The following RBMS1 variants were observed in gnomAD, a reference collection of about 807,000 sequenced individuals.
The protein encoded by RBMS1 is RNA-binding motif, single-stranded-interacting protein 1.
RBMS1 carries 17 observed loss-of-function variants against 62.3 expected under a neutral mutation model. The ratio of observed to expected loss-of-function variants is 0.27; its 90% CI spans 0.19 to 0.41. The LOEUF (loss-of-function observed/expected upper bound fraction) is 0.41. Among genes scored for constraint, RBMS1 ranks in the 10% least tolerant of loss-of-function variants. RBMS1 has a pLI of 1.00. For missense variants in RBMS1, 334 were observed against 504.5 expected (o/e 0.66, Z 3.24); for synonymous variants, 172 against 170.0 (o/e 1.01, Z -0.09).
At chr2:160,453,294 G>T (rs1235323854) in intron 1 of RBMS1, among the ~76,000 whole-genome samples, 1 of 151,924 alleles carries the variant, frequency 6.6e-6, no homozygotes, top group African/African-American at 2.4e-5. Flanking sequence ...CTGTAAAAAA[G>T]AAATAAACTA....
intron 2 of RBMS1, among the ~76,000 whole-genome samples, chr2:160,340,296 C>T (rs751272057): frequency 6.6e-6 from 1 of 151,964 alleles, no homozygotes; most frequent in Non-Finnish European, 1.5e-5. Flanking sequence ...CTGCTCAATT[C>T]CAGTGACAGC....
chr2:160,360,716 C>T (rs1487077971), intron 2 of RBMS1, among the ~76,000 whole-genome samples: 1 of 152,250 alleles, frequency 6.6e-6, no homozygotes, highest in East Asian at 1.9e-4. Flanking sequence ...TTTTGTTGTC[C>T]TTTAAGACTG....
intron 2 of RBMS1, among the ~76,000 whole-genome samples, chr2:160,319,080 T>A (rs540619192): frequency 6.6e-6 from 1 of 152,276 alleles, no homozygotes; most frequent in South Asian, 2.1e-4. Context: ...GAAGCGACAG[T>A]ATAATGTAAA....
intron 1 of RBMS1, among the ~76,000 whole-genome samples, chr2:160,473,808 C>T (rs745511058): frequency 7.9e-5 from 12 of 152,204 alleles, no homozygotes; most frequent in Non-Finnish European, 1.3e-4. Context: ...TTGACTACTT[C>T]TCCTCTATTA....
At chr2:160,332,461 C>G (rs984381730) in intron 2 of RBMS1, among the ~76,000 whole-genome samples, 2 of 152,078 alleles carry the variant, frequency 1.3e-5, no homozygotes, top group African/African-American at 4.8e-5. Context: ...CAGGGGGAGG[C>G]ATCTGATTAG....
intron 2 of RBMS1, among the ~76,000 whole-genome samples, chr2:160,338,198 A>T (rs1031942311): frequency 6.6e-6 from 1 of 152,194 alleles, no homozygotes; most frequent in East Asian, 1.9e-4. Context: ...TCAAAAAGTA[A>T]AACTACTGTT....
chr2:160,276,535 T>C (rs992818262), intron 12 of RBMS1: 3 of 152,268 alleles, frequency 2.0e-5, no homozygotes, highest in African/African-American at 7.2e-5. Context: ...TAAGGATACT[T>C]TGCAGGAAAA....
chr2:160,348,742 C>G, intron 2 of RBMS1, among the ~76,000 whole-genome samples: 1 of 152,096 alleles, frequency 6.6e-6, no homozygotes, highest in East Asian at 1.9e-4. Context: ...GTCTGGAATG[C>G]AAGTGATAAA....
chr2:160,319,181 A>G (rs755594084), intron 2 of RBMS1, among the ~76,000 whole-genome samples: 23 of 152,200 alleles, frequency 1.5e-4, no homozygotes, highest in Non-Finnish European at 2.8e-4. Context: ...TTGAGGAAAA[A>G]AAGTTTTGAA....
At chr2:160,400,710 T>C (rs968241863) in intron 1 of RBMS1, among the ~76,000 whole-genome samples, 2 of 152,118 alleles carry the variant, frequency 1.3e-5, no homozygotes, top group African/African-American at 2.4e-5. Flanking sequence ...TTTCAAAAAG[T>C]ACAGAAGGCA....
chr2:160,414,684 C>T (rs973128088), intron 1 of RBMS1, among the ~76,000 whole-genome samples: 4 of 152,020 alleles, frequency 2.6e-5, no homozygotes, highest in Non-Finnish European at 4.4e-5. Context: ...AAGCTGACAG[C>T]AATTTTTGGC....
At chr2:160,349,890 T>G (rs1692398850) in intron 2 of RBMS1, among the ~76,000 whole-genome samples, 1 of 151,744 alleles carries the variant, frequency 6.6e-6, no homozygotes. Flanking sequence ...AGATTACAAT[T>G]TTTTAAAGGG....
chr2:160,300,376 T>C, intron 6 of RBMS1, among the ~76,000 whole-genome samples: 1 of 152,202 alleles, frequency 6.6e-6, no homozygotes, highest in East Asian at 1.9e-4. Context: ...AGGATGGTGA[T>C]AAGGTGGTTC....
At chr2:160,420,243 A>G (rs1696369117) in intron 1 of RBMS1, among the ~76,000 whole-genome samples, 1 of 151,794 alleles carries the variant, frequency 6.6e-6, no homozygotes, top group Admixed American at 6.6e-5. Context: ...CTTTACCTCT[A>G]TTTCCAGCTA....
At position 160,425,603 on chromosome 2, in the gene RBMS1, C is replaced by A. The variant is rs75466123; in HGVS notation, c.76-58212G>T. Among the ~76,000 whole-genome samples the A allele has an allele frequency of 2.6e-5, 4 of 152,276 alleles. No individual in the cohort carries two copies. In the East Asian group the frequency reaches 7.7e-4, roughly 29 times the overall value. ...GAAAGTGAATCACAGGACAGTGAGACTCAGAGAGTAGAAGAATGGCAGTAG... is the reference window on the plus strand; with the variant it reads ...GAAAGTGAATCACAGGACAGTGAGAATCAGAGAGTAGAAGAATGGCAGTAG... On this transcript the variant is annotated intron_variant, in intron 1 of 13. Coordinates refer to ENST00000348849, the MANE Select transcript of RBMS1 (RefSeq NM_016836.4).
At chr2:160,294,023 G>C (rs1044730596) in intron 6 of RBMS1, among the ~76,000 whole-genome samples, 1 of 152,160 alleles carries the variant, frequency 6.6e-6, no homozygotes, top group African/African-American at 2.4e-5. Context: ...GGAAAAACTC[G>C]ATGGAATTCA....
chr2:160,463,686 G>C (rs368053204), intron 1 of RBMS1, among the ~76,000 whole-genome samples: 1 of 152,178 alleles, frequency 6.6e-6, no homozygotes, highest in African/African-American at 2.4e-5. Context: ...TCAGGAGGCT[G>C]AGGCAGGAGA....
At chr2:160,291,052 C>T (rs147857699) in intron 6 of RBMS1, among the ~76,000 whole-genome samples, 1 of 152,332 alleles carries the variant, frequency 6.6e-6, no homozygotes, top group African/African-American at 2.4e-5. Flanking sequence ...TTCTAGAATG[C>T]CTGCTCTGAG....
At chr2:160,385,272 T>C (rs62177319) in intron 1 of RBMS1, among the ~76,000 whole-genome samples, 1 of 152,184 alleles carries the variant, frequency 6.6e-6, no homozygotes, top group Non-Finnish European at 1.5e-5. Context: ...CATGACCAGT[T>C]CTAACCTTAA....
Sources: gnomAD v4.1 joint callset for allele counts (sites outside exome capture counted in the v4.1 genomes callset) on GRCh38, gnomAD v4.1.1 for gene constraint, MANE v1.5 for transcripts, NCBI Gene and HGNC (gene_info 2026-07-23, HGNC 2026-07-21) for gene names.